SERPINB12: variants seen among roughly 807,000 people sequenced by gnomAD.
SERPINB12 encodes serpin family B member 12, also known as serpin B12.
A neutral mutation model predicts 41.1 loss-of-function variants in SERPINB12; 57 were observed. The ratio of observed to expected loss-of-function variants is 1.39; its 90% confidence interval spans 1.12 to 1.73. SERPINB12 has a LOEUF of 1.73. SERPINB12 is among the 40% of genes most tolerant of loss of function. The pLI, the probability that SERPINB12 is intolerant of heterozygous loss-of-function variation, is 0.00. For synonymous variants in SERPINB12, 180 were observed against 181.3 expected, an observed-to-expected ratio of 0.99 and a Z score of 0.06; for missense variants, 536 against 501.9, an observed-to-expected ratio of 1.07 and a Z score of -0.65.
At chr18:63,544,205 G>A (rs970304598) in intron 1 of SERPINB12, among the ~76,000 whole-genome samples, 4 of 152,110 alleles carry the variant, frequency 2.6e-5, no homozygotes, top group Non-Finnish European at 4.4e-5. Context: ...GATGTGTTTC[G>A]TTCCAATAAA....
chr18:63,521,504 T>A, the SERPINB12 span, among the ~76,000 whole-genome samples: 1 of 152,194 alleles, frequency 6.6e-6, no homozygotes, highest in Non-Finnish European at 1.5e-5. Flanking sequence ...TAAGTCGACC[T>A]GGAGTCCATT....
intron 1 of SERPINB12, among the ~76,000 whole-genome samples, chr18:63,554,716 G>C (rs1232150107): frequency 2.0e-5 from 3 of 152,136 alleles, no homozygotes; most frequent in African/African-American, 7.2e-5. Context: ...TCTCACTCTG[G>C]TTCTATATTA....
chr18:63,559,091 TTCTCTC>T (rs1301848699), intron 3 of SERPINB12, among the ~76,000 whole-genome samples: 1 of 139,706 alleles, frequency 7.2e-6, no homozygotes, highest in African/African-American at 2.6e-5. Flanking sequence ...CCTTCTCTCT[TTCTCTC>T]TTTCTTTCTT....
intron 4 of SERPINB12, among the ~76,000 whole-genome samples, 160 bp downstream of exon 4, chr18:63,559,878 C>T (rs923342326): frequency 6.6e-6 from 1 of 152,138 alleles, no homozygotes; most frequent in South Asian, 2.1e-4. Context: ...TCTTTCAGTC[C>T]CACAGTTTTC....
At chr18:63,548,670 A>C (rs1445099401) in intron 1 of SERPINB12, among the ~76,000 whole-genome samples, 1 of 152,088 alleles carries the variant, frequency 6.6e-6, no homozygotes, top group Admixed American at 6.5e-5. Flanking sequence ...AACAAGAGAC[A>C]GTTAATATGT....
At chr18:63,521,273 C>T in the SERPINB12 span, among the ~76,000 whole-genome samples, 27 of 152,168 alleles carry the variant, frequency 1.8e-4, no homozygotes, top group African/African-American at 5.6e-4. Flanking sequence ...ATTCTGACAA[C>T]GTTCACATTT....
At chr18:63,556,662 T>G (rs1910690589) in intron 2 of SERPINB12, among the ~76,000 whole-genome samples, 1 of 152,226 alleles carries the variant, frequency 6.6e-6, no homozygotes, top group Non-Finnish European at 1.5e-5. Flanking sequence ...CTAGCGATTT[T>G]TAGTATGTGT....
At chr18:63,565,722 G>A (rs1911079145) in intron 7 of SERPINB12, 110 bp downstream of exon 7, 2 of 837,810 alleles carry the variant, frequency 2.4e-6, no homozygotes, top group African/African-American at 1.7e-5. Flanking sequence ...AGCTGTCAGA[G>A]ACATCAAGGA....
At chr18:63,555,859 A>G (rs1428652473) in intron 1 of SERPINB12, among the ~76,000 whole-genome samples, 1 of 152,198 alleles carries the variant, frequency 6.6e-6, no homozygotes, top group Non-Finnish European at 1.5e-5. Context: ...CCCCAGAACC[A>G]TGGGAGAATA....
chr18:63,560,897 TA>T (rs946405905), intron 4 of SERPINB12, among the ~76,000 whole-genome samples, 187 bp from the exon 5 acceptor site: 5 of 152,292 alleles, frequency 3.3e-5, no homozygotes, highest in Admixed American at 1.3e-4. Flanking sequence ...CATTTTTCAC[TA>T]AAAAAACTGA....
chr18:63,566,927 T>A lies in SERPINB12; in HGVS notation c.1194T>A (p.Phe398Leu). The stretch of plus-strand genomic sequence containing the variant: ...GGTCACTACGATCTTGGGTGGAGTT[T>A]AATGCCAACCACCCTTTTCTCTTTT... ...SERSLRSWVE[F>L]NANHPFLFFI... Residue 398 changes from phenylalanine to leucine, a missense_variant, in exon 8 of 8, where the codon TTT (phenylalanine) becomes TTA (leucine). Phe to Leu is a conservative substitution (Grantham distance 22, BLOSUM62 0). Coordinates refer to ENST00000382768, the MANE Select transcript of SERPINB12 (RefSeq NM_001307928.2). The A allele has an allele frequency of 6.2e-7, 1 of 1,614,044 alleles. No homozygotes were observed. The highest frequency in any genetic ancestry group is 8.5e-7 in the Non-Finnish European group (1 of 1,179,976).
Position 63,556,113 on chromosome 18 carries a change from TTC to T in SERPINB12, c.-18-25_-18-24del, listed in dbSNP as rs777955460. On this transcript the variant is annotated intron_variant, in intron 1 of 7. Coordinates refer to ENST00000382768, the MANE Select transcript of SERPINB12 (RefSeq NM_001307928.2). ...CACTTATTTTCTTCCAATCACCATT[TTC>T]TCTTTCTCCTTTTTTTTTGGTTTTA... 1.8e-4 allele frequency: 269 copies of T among 1,521,844 alleles called. 3 individuals carry two copies. The highest frequency in any genetic ancestry group is 3.5e-4 in the Middle Eastern group (2 of 5,750). The allele number at this position is 1,521,844 out of a possible 1,614,324, so 94.3% of individuals were successfully genotyped here.
the SERPINB12 span, among the ~76,000 whole-genome samples, chr18:63,533,294 G>A: frequency 6.6e-6 from 1 of 152,172 alleles, no homozygotes; most frequent in South Asian, 2.1e-4. Flanking sequence ...CTTAATGAAT[G>A]AATCGAACTT....
chr18:63,545,474 T>G (rs1910366583), intron 1 of SERPINB12, among the ~76,000 whole-genome samples: 1 of 152,202 alleles, frequency 6.6e-6, no homozygotes, highest in African/African-American at 2.4e-5. Flanking sequence ...AGTGTCAGAT[T>G]TCATCTTCGC....
At chr18:63,535,842 TACAC>T in the SERPINB12 span, among the ~76,000 whole-genome samples, 1 of 152,068 alleles carries the variant, frequency 6.6e-6, no homozygotes, top group Admixed American at 6.6e-5. Flanking sequence ...TATATAAATA[TACAC>T]ACACACATAT....
chr18:63,531,718 T>A, the SERPINB12 span, among the ~76,000 whole-genome samples: 1 of 152,222 alleles, frequency 6.6e-6, no homozygotes, highest in East Asian at 1.9e-4. Context: ...ATCTTATACC[T>A]AGTCCTAATA....
intron 1 of SERPINB12, among the ~76,000 whole-genome samples, chr18:63,546,772 A>G (rs1910397467): frequency 6.6e-6 from 1 of 152,232 alleles, no homozygotes; most frequent in African/African-American, 2.4e-5. Context: ...TTTTAAAAAT[A>G]TATGCCACTC....
intron 6 of SERPINB12, 23 bp from the exon 7 acceptor site, chr18:63,565,422 A>G (rs756879340): frequency 6.2e-7 from 1 of 1,602,446 alleles, no homozygotes; most frequent in Non-Finnish European, 8.5e-7. Context: ...CCGTCCTGTG[A>G]CCTCCTACCT....
At chr18:63,551,562 A>G (rs571361621) in intron 1 of SERPINB12, among the ~76,000 whole-genome samples, 2 of 152,034 alleles carry the variant, frequency 1.3e-5, no homozygotes, top group Non-Finnish European at 2.9e-5. Flanking sequence ...CTTTTACTCA[A>G]CATTATCTTA....
Sources: gnomAD v4.1 joint callset for allele counts (sites outside exome capture counted in the v4.1 genomes callset) on GRCh38, gnomAD v4.1.1 for gene constraint, MANE v1.5 for transcripts, NCBI Gene and HGNC (gene_info 2026-07-23, HGNC 2026-07-21) for gene names.